Variants in TNRC6A observed in about 807,000 individuals in gnomAD.
TNRC6A encodes trinucleotide repeat-containing gene 6A protein.
TNRC6A carries 44 observed loss-of-function variants against 221.2 expected under a neutral mutation model. The ratio of observed to expected loss-of-function variants is 0.20; its 90% CI spans 0.16 to 0.26. The LOEUF (loss-of-function observed/expected upper bound fraction) is 0.26, where lower values mean the gene tolerates loss of function less well. Among genes scored for constraint, TNRC6A ranks in the 10% least tolerant of loss-of-function variants. The pLI is 1.00. For synonymous variants in TNRC6A, 847 were observed against 838.5 expected, an observed-to-expected ratio of 1.01 and a Z score of -0.18; for missense variants, 2,199 against 2,404.4, an observed-to-expected ratio of 0.91 and a Z score of 1.79.
At chr16:24,666,471 C>CAAAA (rs765727823) in intron 2 of TNRC6A, among the ~76,000 whole-genome samples, 1 of 83,934 alleles carries the variant, frequency 1.2e-5, no homozygotes, top group Admixed American at 1.5e-4. Context: ...GACTCCGTCT[C>CAAAA]AAAAAAAAAA....
chr16:24,679,756 C>T (rs1396122703), intron 2 of TNRC6A, among the ~76,000 whole-genome samples: 3 of 151,732 alleles, frequency 2.0e-5, no homozygotes, highest in South Asian at 2.1e-4. Flanking sequence ...GGATTACAGG[C>T]GTGAGCCACC....
chr16:24,716,560 T>C (rs903534641), intron 2 of TNRC6A, among the ~76,000 whole-genome samples: 20 of 152,094 alleles, frequency 1.3e-4, no homozygotes, highest in African/African-American at 4.6e-4. Context: ...TCCCAGCTAC[T>C]TGGGGAGCTG....
At chr16:24,817,233 C>G (rs927285155) in intron 20 of TNRC6A, among the ~76,000 whole-genome samples, 3 of 152,062 alleles carry the variant, frequency 2.0e-5, no homozygotes, top group African/African-American at 7.2e-5. Flanking sequence ...TTTATCATCC[C>G]TTAGTATGGC....
intron 2 of TNRC6A, among the ~76,000 whole-genome samples, chr16:24,710,278 G>GA (rs2056180232): frequency 6.6e-6 from 1 of 151,076 alleles, no homozygotes; most frequent in Non-Finnish European, 1.5e-5. Flanking sequence ...TCAAAGCACA[G>GA]AAAAAATAAC....
intron 1 of TNRC6A, among the ~76,000 whole-genome samples, chr16:24,617,714 T>A (rs1900438312): frequency 1.3e-5 from 2 of 152,080 alleles, no homozygotes; most frequent in Admixed American, 1.3e-4. Context: ...CCCAGAGTCA[T>A]GTGCCTTGTA....
chr16:24,647,979 C>T (rs1902382948), intron 2 of TNRC6A, among the ~76,000 whole-genome samples: 1 of 151,990 alleles, frequency 6.6e-6, no homozygotes. Context: ...AGTATTTATC[C>T]TCTTTTGTTG....
chr16:24,714,264 C>G lies in TNRC6A; in HGVS notation n.403-36462C>G, dbSNP rs894249262. Among the ~76,000 whole-genome samples the G allele has an allele frequency of 2.7e-5, 4 of 147,462 alleles. No homozygotes were observed. The Admixed American group carries it at 2.7e-4, about 10-fold the overall frequency. On this transcript the variant is annotated intron_variant and non_coding_transcript_variant, in intron 2 of 2. Coordinates refer to the TNRC6A transcript ENST00000566108. ...TTCTTCTGCTATGTCATCAGATTCA[C>G]TGATCTTTTCTTCTGCAGTGCCTGA...
At chr16:24,779,410 A>G (rs936447389) in intron 5 of TNRC6A, among the ~76,000 whole-genome samples, 1 of 152,208 alleles carries the variant, frequency 6.6e-6, no homozygotes, top group Non-Finnish European at 1.5e-5. Flanking sequence ...CCCACTTAAC[A>G]GCATATTTTA....
At chr16:24,675,288 A>T (rs182555408) in intron 2 of TNRC6A, among the ~76,000 whole-genome samples, 2 of 152,342 alleles carry the variant, frequency 1.3e-5, no homozygotes, top group Non-Finnish European at 2.9e-5. Flanking sequence ...GTACAAAAAG[A>T]TATTTTGCAT....
intron 11 of TNRC6A, among the ~76,000 whole-genome samples, chr16:24,800,766 G>C (rs2058315779): frequency 6.6e-6 from 1 of 152,164 alleles, no homozygotes; most frequent in African/African-American, 2.4e-5. Flanking sequence ...AGAGGGAGGG[G>C]AATGCTGGGA....
intron 4 of TNRC6A, among the ~76,000 whole-genome samples, chr16:24,768,326 G>A (rs951883638): frequency 6.6e-5 from 10 of 151,778 alleles, no homozygotes; most frequent in African/African-American, 1.7e-4. Context: ...CCAGCTACTC[G>A]GGAGGCTGAG....
chr16:24,620,157 T>C (rs1193806757), intron 1 of TNRC6A, among the ~76,000 whole-genome samples: 1 of 151,780 alleles, frequency 6.6e-6, no homozygotes, highest in Non-Finnish European at 1.5e-5. Flanking sequence ...AAAAAAGAAC[T>C]ATATGAGCTT....
chr16:24,816,606 G>T, intron 19 of TNRC6A: 1 of 547,830 alleles, frequency 1.8e-6, no homozygotes, highest in East Asian at 3.1e-5. Context: ...TCAGTGAGAT[G>T]ATTTCAGTTG....
chr16:24,823,747 A>G lies in TNRC6A; in HGVS notation c.5829A>G (p.Pro1943=). 2 of 1,516,968 alleles carry G rather than the reference A, an allele frequency of 1.3e-6. No homozygotes were observed. Among genetic ancestry groups the G allele is most frequent in the Non-Finnish European group, 1.8e-6 (2 of 1,134,002 alleles). The allele number at this position is 1,516,968 out of a possible 1,614,324, so 94.0% of individuals were successfully genotyped here. ...SSSDPRGISS[P]SPINAFLSVD... is the part of the protein sequence containing the mutation. The stretch of plus-strand genomic sequence containing the variant: ...GCGACCCCCGAGGAATTAGCAGCCC[A>G]TCTCCCATTAACGCTTTTCTTTCTG... Residue 1943 remains proline, a synonymous_variant, in exon 25 of 25, where the codon CCA becomes CCG. Transcript: ENST00000395799. The surrounding 1 kb of genome is among the most constrained non-coding windows in gnomAD (Gnocchi z 4.3).
At chr16:24,659,632 A>G (rs1354665069) in intron 2 of TNRC6A, among the ~76,000 whole-genome samples, 1 of 152,056 alleles carries the variant, frequency 6.6e-6, no homozygotes, top group Non-Finnish European at 1.5e-5. Context: ...TTGTAGAGAC[A>G]GGGTCTTGCT....
intron 2 of TNRC6A, among the ~76,000 whole-genome samples, chr16:24,746,295 T>G (rs1013492622): frequency 2.0e-5 from 3 of 152,310 alleles, no homozygotes; most frequent in Non-Finnish European, 4.4e-5. Context: ...GTGCAGTGGC[T>G]CACCCCTGTA....
chr16:24,686,133 C>G (rs776580037), intron 2 of TNRC6A, among the ~76,000 whole-genome samples: 3 of 152,182 alleles, frequency 2.0e-5, no homozygotes, highest in Non-Finnish European at 2.9e-5. Context: ...TCCCCTGTGT[C>G]TGGAAGGGCC....
In TNRC6A at chr16:24,611,665, G is replaced by A. The variant is rs568896585; in HGVS notation, n.276+1181G>A. Among the ~76,000 whole-genome samples, 133 of 152,330 alleles carry A rather than the reference G, an allele frequency of 8.7e-4. 3 individuals are homozygous for A. In the South Asian group the frequency reaches 0.014, roughly 16 times the overall value. ...AATGAGGCAGCATGTGAGCGATTTA[G>A]TTCAATGTAATTGCAGTGGAGATGG... is the stretch of plus-strand genomic sequence containing the variant. On this transcript the variant is annotated intron_variant and non_coding_transcript_variant, in intron 1 of 2. Coordinates refer to the TNRC6A transcript ENST00000566108.
rs750403737 is a variant in TNRC6A, at chr16:24,797,433, A to G, written c.3562-57A>G. The G allele has an allele frequency of 1.2e-4, 159 of 1,319,580 alleles. 1 individual carries two copies. The Middle Eastern group carries it at 1.5e-3, about 12-fold the overall frequency. The allele number at this position is 1,319,580 out of a possible 1,614,324, so 81.7% of individuals were successfully genotyped here. A position where few individuals can be genotyped will look rare whatever the true frequency, so the allele number is the denominator to read the frequency against. ...TCTTAAGTTTTATTAATCCGTCACT[A>G]TACCCAGATAAACAGAGATGGCCAT... On this transcript the variant is annotated intron_variant, in intron 9 of 24. Coordinates refer to ENST00000395799, the MANE Select transcript of TNRC6A (RefSeq NM_014494.4).
Sources: allele counts gnomAD v4.1 joint callset (sites outside exome capture counted in the v4.1 genomes callset), GRCh38; gene constraint gnomAD v4.1.1; non-coding constraint Gnocchi (gnomAD v3.1); transcripts MANE v1.5; gene names NCBI Gene and HGNC (gene_info 2026-07-23, HGNC 2026-07-21).